The following ALS2 variants were observed in gnomAD, a reference collection of about 807,000 sequenced individuals.
ALS2 encodes the protein alsin Rho guanine nucleotide exchange factor ALS2.
A neutral mutation model predicts 203.4 loss-of-function variants in ALS2; 117 were observed. The ratio of observed to expected loss-of-function variants is 0.58; its 90% confidence interval spans 0.50 to 0.67. The LOEUF is 0.67. Ranked by LOEUF, ALS2 falls within the 30% of genes least tolerant of loss-of-function variation. ALS2 has a pLI of 0.00. For synonymous variants in ALS2, 718 were observed against 725.9 expected (o/e 0.99, Z 0.17); for missense variants, 1,715 against 1,989.4 (o/e 0.86, Z 2.62).
chr2:201,744,451 G>C, intron 9 of ALS2, 22 bp from the exon 10 acceptor site: 2 of 1,608,990 alleles, frequency 1.2e-6, no homozygotes, highest in Non-Finnish European at 1.7e-6. Flanking sequence ...GAAAACAAAA[G>C]GATTAAATAT....
At chr2:201,745,154 G>C (rs1339211276) in intron 9 of ALS2, among the ~76,000 whole-genome samples, 4 of 152,184 alleles carry the variant, frequency 2.6e-5, no homozygotes, top group African/African-American at 9.7e-5. Flanking sequence ...CATTCATGGG[G>C]AATGTAAAGC....
rs1332438481 is a variant in ALS2 at position 201,715,757 on chromosome 2, C to T, written c.3919G>A (p.Glu1307Lys). Reference sequence around the variant, plus strand: ...CAAACTTCCCCTTGGCCTGGGCCCTCACAGCCCAGTTGGCGCCAACATTCG... The same window carrying T: ...CAAACTTCCCCTTGGCCTGGGCCCTTACAGCCCAGTTGGCGCCAACATTCG... ...FDECWRQLGCEGPGQGEVWKA... is the reference protein window; with the variant it reads ...FDECWRQLGCKGPGQGEVWKA... Residue 1307 changes from glutamate to lysine, a missense_variant, in exon 25 of 34, where the codon GAG (glutamate) becomes AAG (lysine). By Grantham distance (56) the Glu-to-Lys change is moderately conservative. Transcript: ENST00000264276. 2 of 1,614,208 alleles carry T rather than the reference C, an allele frequency of 1.2e-6. No homozygotes were observed. Among genetic ancestry groups the T allele is most frequent in the East Asian group, 4.5e-5 (2 of 44,880 alleles).
chr2:201,751,680 T>C (rs1054207399), intron 7 of ALS2, among the ~76,000 whole-genome samples: 2 of 152,204 alleles, frequency 1.3e-5, no homozygotes, highest in African/African-American at 4.8e-5. Flanking sequence ...GACAAACATA[T>C]CTTACTTTCT....
chr2:201,777,405 T>A (rs1694708359), intron 1 of ALS2, among the ~76,000 whole-genome samples: 1 of 152,124 alleles, frequency 6.6e-6, no homozygotes, highest in South Asian at 2.1e-4. Context: ...GAGTTCTTTT[T>A]CCACAGTCTC....
At chr2:201,705,812 G>A (rs952763457) in intron 29 of ALS2, among the ~76,000 whole-genome samples, 2 of 152,090 alleles carry the variant, frequency 1.3e-5, no homozygotes, top group Non-Finnish European at 2.9e-5. Flanking sequence ...AGCTGGGTGC[G>A]TTGACACAGG....
chr2:201,764,259 G>T (rs552779997), intron 3 of ALS2, among the ~76,000 whole-genome samples: 1 of 152,184 alleles, frequency 6.6e-6, no homozygotes, highest in South Asian at 2.1e-4. Context: ...TATTCCACTA[G>T]AAAGAGCAAT....
chr2:201,734,094 T>C (rs1370867949), intron 12 of ALS2, among the ~76,000 whole-genome samples: 1 of 152,204 alleles, frequency 6.6e-6, no homozygotes, highest in African/African-American at 2.4e-5. Context: ...ATAAATTCAT[T>C]GTTAAAATTT....
chr2:201,758,681 C>T (rs77212676), intron 4 of ALS2, among the ~76,000 whole-genome samples: 5,088 of 152,036 alleles, frequency 0.033, 97 homozygotes, highest in African/African-American at 0.052. Context: ...TCTTATTGTA[C>T]CCAAAGATCT....
chr2:201,775,954 A>T (rs1179830559), intron 1 of ALS2, among the ~76,000 whole-genome samples: 2 of 152,202 alleles, frequency 1.3e-5, no homozygotes, highest in Admixed American at 1.3e-4. Context: ...CATAATAATC[A>T]TTCTGAACAA....
chr2:201,738,707 C>T lies in ALS2; in HGVS notation c.2380G>A (p.Val794Ile). ...EYCTSITNFL[V>I]MGGFQLLAKP... Reference sequence around the variant, plus strand: ...GCAAGAAGCTGGAATCCTCCCATAACCAGGAAATTTGTAATAGATGTGCAA... The same window carrying T: ...GCAAGAAGCTGGAATCCTCCCATAATCAGGAAATTTGTAATAGATGTGCAA... Residue 794 changes from valine (V) to isoleucine (I), a missense_variant, in exon 12 of 34, where the codon GTT (valine) becomes ATT (isoleucine). By Grantham distance (29) the Val-to-Ile change is conservative (BLOSUM62 3). Coordinates refer to ENST00000264276, the MANE Select transcript of ALS2 (RefSeq NM_020919.4). 6.2e-7 allele frequency: 1 copy of T among 1,613,972 alleles called. No individual in the cohort carries two copies. The highest frequency in any genetic ancestry group is 8.5e-7 in the Non-Finnish European group (1 of 1,179,952).
At chr2:201,714,110 T>C (rs1309262400) in intron 25 of ALS2, among the ~76,000 whole-genome samples, 1 of 152,212 alleles carries the variant, frequency 6.6e-6, no homozygotes, top group Non-Finnish European at 1.5e-5. Flanking sequence ...AGCAAGACCC[T>C]GTCTCTATTT....
rs11407264 is a variant in ALS2 at position 201,710,183 on chromosome 2, A to AT, written c.4123-146dup. The AT allele has an allele frequency of 0.92, 742,324 of 810,712 alleles. 341,124 individuals are homozygous for AT. Among genetic ancestry groups the AT allele is most frequent in the East Asian group, 0.99 (35,049 of 35,430 alleles). 50.2% of individuals were successfully genotyped at this position (810,712 alleles called of 1,614,324 possible). ...GGACCAGGAATATTCAAATACTTTA[A>AT]TTTTTTTGAAAGTACTGTCTACCCC... On this transcript the variant is annotated intron_variant, in intron 26 of 33. Coordinates refer to ENST00000264276, the MANE Select transcript of ALS2 (RefSeq NM_020919.4).
chr2:201,777,418 A>G (rs761451429), intron 1 of ALS2, among the ~76,000 whole-genome samples: 1 of 152,106 alleles, frequency 6.6e-6, no homozygotes, highest in Non-Finnish European at 1.5e-5. Flanking sequence ...ACAGTCTCCT[A>G]ATTTGAGGGT....
Position 201,723,400 on chromosome 2 carries a change from T to A in ALS2, c.3554A>T (p.Gln1185Leu), listed in dbSNP as rs769271300. ...YMGMWQDDVC[Q>L]GNGVVVTQFG... ...CTGGGTAACCACCACACCATTCCCT[T>A]GACACACATCATCTTGCCACATTCC... is the stretch of plus-strand genomic sequence containing the variant. The change falls in exon 22 of 34, where the codon CAA becomes CTA. Residue 1185 changes from glutamine to leucine, a missense_variant. Physicochemically the swap from Gln to Leu is moderately radical, Grantham distance 113. Around this residue, in one of 3 missense-constraint regions of ALS2, gnomAD observed 1,227 missense variants for 1,413.5 expected, o/e 0.87. Coordinates refer to ENST00000264276, the MANE Select transcript of ALS2 (RefSeq NM_020919.4). The A allele has an allele frequency of 6.2e-7, 1 of 1,614,128 alleles. No individual in the cohort carries two copies. The highest frequency in any genetic ancestry group is 1.3e-5 in the African/African-American group (1 of 75,040).
At chr2:201,709,744 T>C in intron 27 of ALS2, 137 bp downstream of exon 27, 1 of 1,089,006 alleles carries the variant, frequency 9.2e-7, no homozygotes, top group Non-Finnish European at 1.4e-6. Flanking sequence ...ACACATACAT[T>C]TAAAACATGT....
chr2:201,761,927 T>A, intron 3 of ALS2, 109 bp from the exon 4 acceptor site: 1 of 1,229,142 alleles, frequency 8.1e-7, no homozygotes, highest in Non-Finnish European at 1.1e-6. Context: ...TTGGATTTTC[T>A]TTTTAAATTT....
intron 9 of ALS2, 99 bp from the exon 10 acceptor site, chr2:201,744,528 G>T: frequency 8.0e-7 from 1 of 1,257,088 alleles, no homozygotes. Flanking sequence ...AGAGCTAACT[G>T]TTAAATATTC....
intron 7 of ALS2, among the ~76,000 whole-genome samples, chr2:201,751,384 T>C (rs932344531): frequency 4.6e-5 from 7 of 152,314 alleles, no homozygotes; most frequent in East Asian, 1.9e-4. Context: ...TAGGTTTGCA[T>C]AGGTTAATCT....
At chr2:201,718,757 A>G (rs566718032) in intron 23 of ALS2, among the ~76,000 whole-genome samples, 26 of 152,354 alleles carry the variant, frequency 1.7e-4, no homozygotes, top group Non-Finnish European at 3.2e-4. Flanking sequence ...TTTGAACTGT[A>G]TAAAATGACC....
Sources: gnomAD v4.1 joint callset for allele counts (sites outside exome capture counted in the v4.1 genomes callset) on GRCh38, gnomAD v4.1.1 for gene constraint, gnomAD v4.1.1 regional missense constraint, MANE v1.5 for transcripts, NCBI Gene and HGNC (gene_info 2026-07-23, HGNC 2026-07-21) for gene names.